The following BMPR1B variants were observed in gnomAD, a reference collection of about 807,000 sequenced individuals.
The protein encoded by BMPR1B is bone morphogenetic protein receptor type 1B.
In BMPR1B, 12 loss-of-function variants were observed where a neutral mutation model predicts 59.1. The ratio of observed to expected loss-of-function variants is 0.20; its 90% confidence interval spans 0.13 to 0.33. BMPR1B has a LOEUF of 0.33. Among genes scored for constraint, BMPR1B ranks in the 10% least tolerant of loss-of-function variants. The pLI is 1.00. For missense variants in BMPR1B, 550 were observed against 610.9 expected (o/e 0.90, Z 1.05); for synonymous variants, 237 against 207.3 (o/e 1.14, Z -1.23).
chr4:94,764,709 A>G (rs1441468900), intron 1 of BMPR1B, among the ~76,000 whole-genome samples: 1 of 152,158 alleles, frequency 6.6e-6, no homozygotes, highest in African/African-American at 2.4e-5. Context: ...AAATTCTTAT[A>G]TAAATACTGT....
At chr4:94,761,286 C>G (rs1721752993) in intron 1 of BMPR1B, among the ~76,000 whole-genome samples, 1 of 152,124 alleles carries the variant, frequency 6.6e-6, no homozygotes, top group African/African-American at 2.4e-5. Flanking sequence ...TCTTTAAGAA[C>G]CTTGACTCCT....
rs531047244 is a variant in BMPR1B at position 94,792,342 on chromosome 4, G to A, written c.-183+34274G>A. 3.3e-5 allele frequency among the ~76,000 whole-genome samples: 5 copies of A among 152,214 alleles called. No homozygotes were observed. The South Asian group carries it at 1.0e-3, about 32-fold the overall frequency. Reference sequence around the variant, plus strand: ...TTCTCAGGGCTGATTTCTTCAATCTGTTTTTGGCCTCTGATTTTTGTCAGT... The same window carrying A: ...TTCTCAGGGCTGATTTCTTCAATCTATTTTTGGCCTCTGATTTTTGTCAGT... On this transcript the variant is annotated intron_variant, in intron 1 of 12. Transcript: ENST00000515059.
At chr4:94,942,520 C>T (rs553585110) in intron 2 of BMPR1B, among the ~76,000 whole-genome samples, 12 of 152,152 alleles carry the variant, frequency 7.9e-5, no homozygotes, top group Non-Finnish European at 1.8e-4. Context: ...GCCAAATAAA[C>T]AAGTCTTAAT....
intron 4 of BMPR1B, among the ~76,000 whole-genome samples, chr4:95,110,852 A>G (rs570489223): frequency 3.3e-5 from 5 of 152,058 alleles, no homozygotes; most frequent in African/African-American, 7.3e-5. Flanking sequence ...TAACAAAGCT[A>G]TGAGCAGCTT....
chr4:95,115,380 G>A (rs1336584288), intron 5 of BMPR1B, among the ~76,000 whole-genome samples: 2 of 152,080 alleles, frequency 1.3e-5, no homozygotes, highest in Admixed American at 1.3e-4. Context: ...TCGCATTAGA[G>A]CATCTTCCTC....
intron 3 of BMPR1B, among the ~76,000 whole-genome samples, chr4:95,050,285 T>G (rs2149186762): frequency 6.6e-6 from 1 of 152,286 alleles, no homozygotes; most frequent in East Asian, 1.9e-4. Flanking sequence ...ACCACCAACC[T>G]CCATGTTTCT....
At position 94,959,159 on chromosome 4, in the gene BMPR1B, G is replaced by A. The variant is rs572095807; in HGVS notation, c.-112-36881G>A. The stretch of plus-strand genomic sequence containing the variant: ...ATATTAAAGATTACAGAACTGGAGG[G>A]GGACGCAGAAAGAATTTTGGGATTT... On this transcript the variant is annotated intron_variant, in intron 2 of 12. Coordinates refer to ENST00000515059, the MANE Select transcript of BMPR1B (RefSeq NM_001203.3). Among the ~76,000 whole-genome samples, 152 of 152,072 alleles carry A rather than the reference G, an allele frequency of 1.0e-3. 2 individuals carry two copies. The Middle Eastern group carries it at 0.01, about 10-fold the overall frequency.
At chr4:94,830,032 T>C (rs183297295) in intron 1 of BMPR1B, among the ~76,000 whole-genome samples, 53 of 152,312 alleles carry the variant, frequency 3.5e-4, no homozygotes, top group African/African-American at 1.3e-3. Context: ...ATGAGACTTA[T>C]TATGTAAGTA....
At chr4:94,923,868 G>A (rs1018323504) in intron 2 of BMPR1B, among the ~76,000 whole-genome samples, 9 of 152,132 alleles carry the variant, frequency 5.9e-5, no homozygotes, top group Admixed American at 3.9e-4. Context: ...TGTGATTTCC[G>A]GAAAGGTCCT....
intron 3 of BMPR1B, among the ~76,000 whole-genome samples, chr4:95,062,829 G>C (rs1271430955): frequency 6.6e-6 from 1 of 152,094 alleles, no homozygotes; most frequent in Admixed American, 6.6e-5. Context: ...TAAAATTGGT[G>C]TAGTATTTAT....
intron 1 of BMPR1B, among the ~76,000 whole-genome samples, chr4:94,784,722 A>T (rs1407295379): frequency 2.0e-5 from 3 of 152,054 alleles, no homozygotes; most frequent in Non-Finnish European, 4.4e-5. Context: ...GCCCAGATTC[A>T]TTTGGCTCCC....
chr4:95,150,903 T>C (rs1390487847), intron 11 of BMPR1B, among the ~76,000 whole-genome samples: 1 of 152,212 alleles, frequency 6.6e-6, no homozygotes, highest in Non-Finnish European at 1.5e-5. Flanking sequence ...GAAACGCATT[T>C]GTGAGAATTT....
At position 95,074,204 on chromosome 4, in the gene BMPR1B, A is replaced by G. The variant is rs151079977; in HGVS notation, c.-17-30204A>G. 8.0e-3 allele frequency among the ~76,000 whole-genome samples: 1,220 copies of G among 152,096 alleles called. 10 individuals are homozygous for G. The highest frequency in any genetic ancestry group is 0.037 in the Middle Eastern group (11 of 294). ...CTTTTTGTATTTAAATCTCAGTTTC[A>G]GCTCTTTCTTAGCTCTGTGACTTTG... is the stretch of plus-strand genomic sequence containing the variant. On this transcript the variant is annotated intron_variant, in intron 3 of 12. Transcript: ENST00000515059.
At chr4:94,982,689 T>C (rs1187440636) in intron 2 of BMPR1B, among the ~76,000 whole-genome samples, 2 of 152,126 alleles carry the variant, frequency 1.3e-5, no homozygotes, top group Non-Finnish European at 2.9e-5. Flanking sequence ...TGTGTCCTCT[T>C]TACCATTAAA....
At chr4:94,847,400 G>A (rs1024287068) in intron 1 of BMPR1B, among the ~76,000 whole-genome samples, 2 of 152,104 alleles carry the variant, frequency 1.3e-5, no homozygotes, top group African/African-American at 2.4e-5. Context: ...AGTAAAAACA[G>A]GACTACCATA....
At chr4:94,769,524 C>A (rs1479851143) in intron 1 of BMPR1B, among the ~76,000 whole-genome samples, 5 of 151,882 alleles carry the variant, frequency 3.3e-5, no homozygotes, top group Non-Finnish European at 7.4e-5. Flanking sequence ...GCAGGAGAAT[C>A]ACTTGAACCC....
intron 3 of BMPR1B, among the ~76,000 whole-genome samples, chr4:95,077,804 C>CAT (rs1579040133): frequency 6.6e-6 from 1 of 152,112 alleles, no homozygotes; most frequent in Admixed American, 6.5e-5. Flanking sequence ...TTAACATACA[C>CAT]ATATATATTC....
intron 6 of BMPR1B, among the ~76,000 whole-genome samples, chr4:95,120,791 C>T (rs546675499): frequency 1.3e-5 from 2 of 149,920 alleles, no homozygotes; most frequent in East Asian, 2.0e-4. Flanking sequence ...CCTTCCCTCC[C>T]CCTGCTCCCC....
At chr4:94,859,372 C>G (rs2148954910) in intron 1 of BMPR1B, among the ~76,000 whole-genome samples, 1 of 152,240 alleles carries the variant, frequency 6.6e-6, no homozygotes, top group African/African-American at 2.4e-5. Flanking sequence ...TTTTTCATGA[C>G]TTAAACTGAA....
Sources: gnomAD v4.1 joint callset for allele counts (sites outside exome capture counted in the v4.1 genomes callset) on GRCh38, gnomAD v4.1.1 for gene constraint, MANE v1.5 for transcripts, NCBI Gene and HGNC (gene_info 2026-07-23, HGNC 2026-07-21) for gene names.